Variants in EIF4B observed in about 807,000 individuals in gnomAD.
The protein encoded by EIF4B is eukaryotic translation initiation factor 4B.
Under a neutral mutation model 79.3 loss-of-function variants are expected in EIF4B, and 8 were observed. The ratio of observed to expected loss-of-function variants is 0.10; its 90% CI spans 0.06 to 0.18. EIF4B has a LOEUF of 0.18. Among genes scored for constraint, EIF4B ranks in the 10% least tolerant of loss-of-function variants. The probability of loss-of-function intolerance (pLI) is 1.00; values close to 1 mark genes in which losing one functional copy is unlikely to be tolerated. For missense variants in EIF4B, 515 were observed against 792.4 expected (o/e 0.65, Z 4.20); for synonymous variants, 238 against 274.7 (o/e 0.87, Z 1.32).
At position 53,030,413 on chromosome 12, in the gene EIF4B, C is replaced by CTTTTT. The variant is rs759061266; in HGVS notation, c.979+2246_979+2250dup. ...GAAATAGGTTTTAAAAAATTATATT[C>CTTTTT]TTTTTTTTTTTTTTTTTTTTTTTTT... On this transcript the variant is annotated intron_variant, in intron 8 of 14. Coordinates refer to ENST00000262056, the MANE Select transcript of EIF4B (RefSeq NM_001417.7). 4.6e-3 allele frequency among the ~76,000 whole-genome samples: 198 copies of CTTTTT among 43,082 alleles called. 47 individuals are homozygous for CTTTTT. The highest frequency in any genetic ancestry group is 9.6e-3 in the East Asian group (10 of 1,040). 28.3% of individuals were successfully genotyped at this position (43,082 alleles called of 152,430 possible).
In EIF4B at chr12:53,028,256, T is replaced by C. The variant is rs1271369243; in HGVS notation, c.979+68T>C. 3 of 1,514,878 alleles carry C rather than the reference T, an allele frequency of 2.0e-6. No individual in the cohort carries two copies. The African/African-American group carries it at 4.2e-5, about 21-fold the overall frequency. 93.8% of individuals were successfully genotyped at this position (1,514,878 alleles called of 1,614,324 possible). ...GAAAACTACGGAAAATTTGTGATTG[T>C]GTTACGAACTACTGAGTTGGGCACA... On this transcript the variant is annotated intron_variant, in intron 8 of 14. Coordinates refer to ENST00000262056, the MANE Select transcript of EIF4B (RefSeq NM_001417.7).
chr12:53,027,680 A>T, intron 6 of EIF4B, 102 bp from the exon 7 acceptor site: 1 of 1,447,820 alleles, frequency 6.9e-7, no homozygotes, highest in Middle Eastern at 2.7e-4. Flanking sequence ...CAGATAGAAA[A>T]TTTAAATAAA....
At chr12:53,039,396 A>G in intron 13 of EIF4B, 53 bp downstream of exon 13, 1 of 1,438,780 alleles carries the variant, frequency 7.0e-7, no homozygotes, top group East Asian at 2.4e-5. Context: ...TTGTGTAATT[A>G]AGAAATTAAG....
Position 53,019,890 on chromosome 12 carries a change from G to T in EIF4B, c.361-20G>T, listed in dbSNP as rs1403518709. 3.1e-6 allele frequency: 5 copies of T among 1,602,900 alleles called. No homozygotes were observed. The highest frequency in any genetic ancestry group is 1.7e-5 in the Admixed American group (1 of 57,682). On this transcript the variant is annotated intron_variant, in intron 3 of 14. Coordinates refer to ENST00000262056, the MANE Select transcript of EIF4B (RefSeq NM_001417.7). ...AAGAAGAATGCTGGGAAACTTTGTT[G>T]TTGATTCTTATTCCTTCAGATCAGT...
intron 4 of EIF4B, among the ~76,000 whole-genome samples, chr12:53,021,301 G>A (rs985802796): frequency 1.3e-5 from 2 of 152,156 alleles, no homozygotes; most frequent in African/African-American, 4.8e-5. Flanking sequence ...AATGTGTTGG[G>A]TGTTTTTGTT....
intron 12 of EIF4B, 131 bp from the exon 13 acceptor site, chr12:53,039,107 T>A: frequency 1.6e-6 from 1 of 613,866 alleles, no homozygotes; most frequent in South Asian, 2.1e-5. Context: ...AGGAAGGAAG[T>A]CTGGGTTGGG....
At chr12:53,021,968 A>G (rs1943252705) in intron 5 of EIF4B, 108 bp downstream of exon 5, 6 of 1,315,952 alleles carry the variant, frequency 4.6e-6, no homozygotes, top group African/African-American at 1.5e-5. Flanking sequence ...GCCTGAATCT[A>G]CAGTAACAGT....
chr12:53,017,681 C>T (rs1943170746), intron 2 of EIF4B, among the ~76,000 whole-genome samples: 1 of 152,200 alleles, frequency 6.6e-6, no homozygotes, highest in South Asian at 2.1e-4. Context: ...GCAACATCTG[C>T]TCCCGGGGTT....
chr12:53,022,686 G>A, intron 6 of EIF4B, 59 bp downstream of exon 6: 1 of 1,565,300 alleles, frequency 6.4e-7, no homozygotes, highest in East Asian at 2.3e-5. Flanking sequence ...TTTAGTAATA[G>A]GACAAATGTG....
intron 4 of EIF4B, 117 bp downstream of exon 4, chr12:53,020,143 A>T: frequency 1.3e-6 from 1 of 770,938 alleles, no homozygotes. Context: ...ATATCTACAA[A>T]TAAAGGCCTG....
At chr12:53,019,438 T>TATATA (rs199930510) in intron 3 of EIF4B, among the ~76,000 whole-genome samples, 3 of 22,692 alleles carry the variant, frequency 1.3e-4, no homozygotes, top group African/African-American at 2.8e-4. Context: ...TATATATATA[T>TATATA]TTTTTTTTTT....
intron 10 of EIF4B, among the ~76,000 whole-genome samples, chr12:53,035,807 A>G (rs1360929002): frequency 6.6e-6 from 1 of 151,212 alleles, no homozygotes; most frequent in Non-Finnish European, 1.5e-5. Context: ...ATTGATTTGT[A>G]CTTGCATTTC....
rs528309227 is a variant in EIF4B, at chr12:53,014,285, G to A, written c.14-2188G>A. Among the ~76,000 whole-genome samples the A allele has an allele frequency of 2.3e-3, 351 of 151,912 alleles. 2 individuals are homozygous for A. Among genetic ancestry groups the A allele is most frequent in the African/African-American group, 7.9e-3 (326 of 41,424 alleles). ...AAATTAGCCTGGCGTGGTGGCACGC[G>A]CCTGTAGTCCCAGCCACTTGGGAGG... On this transcript the variant is annotated intron_variant, in intron 1 of 14. Transcript: ENST00000262056.
intron 5 of EIF4B, 111 bp from the exon 6 acceptor site, chr12:53,022,382 G>T (rs1943260122): frequency 1.4e-6 from 2 of 1,466,170 alleles, no homozygotes; most frequent in African/African-American, 1.4e-5. Flanking sequence ...TGGGATGACA[G>T]TGTGACGTGA....
chr12:53,026,513 TTAAA>T (rs1943337368), intron 6 of EIF4B, among the ~76,000 whole-genome samples: 1 of 152,244 alleles, frequency 6.6e-6, no homozygotes, highest in African/African-American at 2.4e-5. Flanking sequence ...TTTCAAGAAA[TTAAA>T]TTGTTGGTCA....
At chr12:53,023,483 G>A (rs1252956269) in intron 6 of EIF4B, among the ~76,000 whole-genome samples, 2 of 151,776 alleles carry the variant, frequency 1.3e-5, no homozygotes, top group Non-Finnish European at 2.9e-5. Context: ...CGCCCGCCTT[G>A]GCCTCCCAAA....
Position 53,039,701 on chromosome 12 carries a change from C to A in EIF4B, c.1754C>A (p.Ser585Tyr). The change falls in exon 14 of 15, where the codon TCC becomes TAC. Residue 585 changes from serine to tyrosine, a missense_variant and splice_region_variant. Physicochemically the swap from Ser to Tyr is moderately radical, Grantham distance 144. Coordinates refer to ENST00000262056, the MANE Select transcript of EIF4B (RefSeq NM_001417.7). ...AAGAAACCTGAGGAAAATCCAGCTT[C>A]CGTAAGTGTTGAAGGCTGCTCCCAA... is the stretch of plus-strand genomic sequence containing the variant. ...EPKKPEENPA[S>Y]KFSSASKYAA... is the part of the protein sequence containing the mutation. 6.2e-7 allele frequency: 1 copy of A among 1,613,532 alleles called. No homozygotes were observed. The highest frequency in any genetic ancestry group is 2.2e-5 in the East Asian group (1 of 44,876).
intron 1 of EIF4B, among the ~76,000 whole-genome samples, chr12:53,009,778 G>A (rs550390227): frequency 3.3e-5 from 5 of 152,260 alleles, no homozygotes; most frequent in Non-Finnish European, 5.9e-5. Context: ...TACCCAGAAG[G>A]CCAAAATTAA....
chr12:53,033,119 A>G (rs1195783265), intron 8 of EIF4B, among the ~76,000 whole-genome samples: 1 of 152,000 alleles, frequency 6.6e-6, no homozygotes, highest in African/African-American at 2.4e-5. Context: ...TCCCAGGTTC[A>G]AGCGATTCTC....
Sources: gnomAD v4.1 joint callset for allele counts (sites outside exome capture counted in the v4.1 genomes callset) on GRCh38, gnomAD v4.1.1 for gene constraint, MANE v1.5 for transcripts, NCBI Gene and HGNC (gene_info 2026-07-23, HGNC 2026-07-21) for gene names.